Variants in SOD2 observed in about 807,000 individuals in gnomAD.
SOD2 encodes the protein superoxide dismutase 2.
A neutral mutation model predicts 27.0 loss-of-function variants in SOD2; 11 were observed. The ratio of observed to expected loss-of-function variants is 0.41; its 90% CI spans 0.26 to 0.67. The LOEUF is 0.67. Among genes scored for constraint, SOD2 ranks in the 30% least tolerant of loss-of-function variants. The pLI, the probability that SOD2 is intolerant of heterozygous loss-of-function variation, is 0.34. For synonymous variants in SOD2, 105 were observed against 103.0 expected, an observed-to-expected ratio of 1.02 and a Z score of -0.12; for missense variants, 250 against 274.5, an observed-to-expected ratio of 0.91 and a Z score of 0.63.
Position 159,681,357 on chromosome 6 carries a change from G to A in SOD2, c.*1136C>T, listed in dbSNP as rs1309650445. 1 of 152,162 alleles carries A rather than the reference G, an allele frequency of 6.6e-6. No individual in the cohort carries two copies. Among genetic ancestry groups the A allele is most frequent in the East Asian group, 1.9e-4 (1 of 5,186 alleles). 9.4% of individuals were successfully genotyped at this position (152,162 alleles called of 1,614,324 possible). ...AGAGACATCCTTAACACGTGCCCCT[G>A]AGCTACTTTTCAGAAACCCAGACCC... is the stretch of plus-strand genomic sequence containing the variant. On this transcript the variant is annotated 3_prime_UTR_variant, in exon 5 of 5. Coordinates refer to ENST00000538183, the MANE Select transcript of SOD2 (RefSeq NM_000636.4).
At position 159,759,335 on chromosome 6, in the gene SOD2, A is replaced by G. The variant is rs1346686209; in HGVS notation, c.-336+1702T>C. Among the ~76,000 whole-genome samples the G allele has an allele frequency of 1.6e-4, 24 of 147,270 alleles. No homozygotes were observed. In the East Asian group the frequency reaches 5.2e-3, roughly 32 times the overall value. ...CGGCCTCCCAAAGTGCTGGGATTAC[A>G]GGCATGAGCCACCGCGGCCGGCCAA... On this transcript the variant is annotated intron_variant, in intron 1 of 7. Coordinates refer to the SOD2 transcript ENST00000546087.
chr6:159,743,678 T>G lies in SOD2; in HGVS notation c.-116+1452A>C, dbSNP rs1431082165. 3.1e-6 allele frequency: 5 copies of G among 1,598,020 alleles called. No homozygotes were observed. In the African/African-American group the frequency reaches 4.0e-5, roughly 13 times the overall value. On this transcript the variant is annotated intron_variant, in intron 1 of 3. Coordinates refer to the SOD2 transcript ENST00000537657. ...TTGAATCATCAGCTAATGATGTAAC[T>G]GGCCTAAGAGAGTCTGAAGAAAAAC...
rs1303650148 is a variant in SOD2 at position 159,672,318 on chromosome 6, A to T, written c.*10175T>A. On this transcript the variant is annotated 3_prime_UTR_variant, in exon 5 of 5. Coordinates refer to ENST00000538183, the MANE Select transcript of SOD2 (RefSeq NM_000636.4). Reference sequence around the variant, plus strand: ...GATTCACCAAAGTTGAAATGAAGGAAAAAATGTTAAGGGCAGCCAGAGAGA... The same window carrying T: ...GATTCACCAAAGTTGAAATGAAGGATAAAATGTTAAGGGCAGCCAGAGAGA... The T allele has an allele frequency of 3.3e-5, 5 of 152,198 alleles. No individual in the cohort carries two copies. Among genetic ancestry groups the T allele is most frequent in the Admixed American group, 3.3e-4 (5 of 15,280 alleles). 9.4% of individuals were successfully genotyped at this position (152,198 alleles called of 1,614,324 possible). A position where few individuals can be genotyped will look rare whatever the true frequency, so the allele number is the denominator to read the frequency against.
At chr6:159,761,236 T>C (rs1325734141) in exon 1 of SOD2, 1 of 200,388 alleles carries the variant, frequency 5.0e-6, no homozygotes, top group Non-Finnish European at 1.1e-5. Context: ...GCTGTAACGG[T>C]GGCCCCTCAT....
chr6:159,744,976 T>C (rs1779487973), intron 1 of SOD2, among the ~76,000 whole-genome samples: 1 of 152,226 alleles, frequency 6.6e-6, no homozygotes, highest in Non-Finnish European at 1.5e-5. Flanking sequence ...CCATCGCACC[T>C]GGCCCATTAT....
rs1027795115 is a variant in SOD2 at position 159,675,128 on chromosome 6, C to T, written c.*7365G>A. The T allele has an allele frequency of 6.6e-6, 1 of 152,176 alleles. No homozygotes were observed. The highest frequency in any genetic ancestry group is 2.4e-5 in the African/African-American group (1 of 41,444). The allele number at this position is 152,176 out of a possible 1,614,324, so 9.4% of individuals were successfully genotyped here. A position where few individuals can be genotyped will look rare whatever the true frequency, so the allele number is the denominator to read the frequency against. On this transcript the variant is annotated 3_prime_UTR_variant, in exon 5 of 5. Coordinates refer to ENST00000538183, the MANE Select transcript of SOD2 (RefSeq NM_000636.4). Reference sequence around the variant, plus strand: ...CAAACAAATGGAAGAACATTCCATGCTCATGGATAGGAAGAATCAATATCG... The same window carrying T: ...CAAACAAATGGAAGAACATTCCATGTTCATGGATAGGAAGAATCAATATCG...
At position 159,681,637 on chromosome 6, in the gene SOD2, A is replaced by T. The variant is rs1327497292; in HGVS notation, c.*856T>A. ...ACCTTTCAGGCCAAACCAATATATA[A>T]GCTTCATGTAGTGATTTACAATTTT... On this transcript the variant is annotated 3_prime_UTR_variant, in exon 5 of 5. Transcript: ENST00000538183. 6.6e-6 allele frequency: 1 copy of T among 152,132 alleles called. No homozygotes were observed. Among genetic ancestry groups the T allele is most frequent in the Non-Finnish European group, 1.5e-5 (1 of 68,046 alleles). 9.4% of individuals were successfully genotyped at this position (152,132 alleles called of 1,614,324 possible).
intron 1 of SOD2, among the ~76,000 whole-genome samples, chr6:159,708,044 A>G (rs1369658247): frequency 1.3e-5 from 2 of 152,238 alleles, no homozygotes; most frequent in Non-Finnish European, 2.9e-5. Flanking sequence ...CAGATGCAGA[A>G]AAGGCCTTGG....
At chr6:159,755,326 C>CT (rs1460760701) in intron 1 of SOD2, 1 of 1,614,236 alleles carries the variant, frequency 6.2e-7, no homozygotes, top group Non-Finnish European at 8.5e-7. Context: ...CCGAAGATGA[C>CT]TTTCCTTCTT....
At chr6:159,749,417 A>C (rs531832621), upstream of SOD2, 1,124 of 972,604 alleles carry the variant, frequency 1.2e-3, 10 homozygotes, top group African/African-American at 0.019. Context: ...ATGTGCCTTG[A>C]AATAGTTGGT....
At chr6:159,736,016 A>G (rs1778890599) in intron 1 of SOD2, among the ~76,000 whole-genome samples, 1 of 152,198 alleles carries the variant, frequency 6.6e-6, no homozygotes, top group African/African-American at 2.4e-5. Context: ...ACTACCCAAT[A>G]ACTCTAATGA....
chr6:159,727,459 AGCGGAGCCGTGCGGCGGG>A, upstream of SOD2: 1 of 956,176 alleles, frequency 1.0e-6, no homozygotes, highest in African/African-American at 2.3e-5. Flanking sequence ...GGCAGGGCGG[AGCGGAGCCGTGCGGCGGG>A]GCGGGGCCGG....
intron 1 of SOD2, among the ~76,000 whole-genome samples, chr6:159,737,468 G>A (rs2114902704): frequency 6.6e-6 from 1 of 152,112 alleles, no homozygotes; most frequent in Non-Finnish European, 1.5e-5. Context: ...TCTTGTAAGG[G>A]AATACTAATA....
chr6:159,755,760 CTTTTCTTTTTTTTTTTTTTT>C, intron 1 of SOD2: 1 of 281,890 alleles, frequency 3.5e-6, no homozygotes, highest in Non-Finnish European at 4.7e-6. Flanking sequence ...TTTTTTTTTT[CTTTTCTTTTTTTTTTTTTTT>C]TTTTTTTTTT....
chr6:159,756,832 G>C (rs139781257), intron 1 of SOD2, among the ~76,000 whole-genome samples: 44 of 152,212 alleles, frequency 2.9e-4, no homozygotes, highest in African/African-American at 9.9e-4. Flanking sequence ...TCAAACTCCT[G>C]GCCCCAAGGG....
chr6:159,693,495 C>G (rs1014148509), upstream of SOD2, among the ~76,000 whole-genome samples: 1 of 152,094 alleles, frequency 6.6e-6, no homozygotes, highest in South Asian at 2.1e-4. Flanking sequence ...GCCTGTCTGC[C>G]GTACTTGAGT....
At chr6:159,760,147 TA>T (rs1780093144) in intron 1 of SOD2, 2 of 152,218 alleles carry the variant, frequency 1.3e-5, no homozygotes. Flanking sequence ...AAGTGATGTT[TA>T]GGGGGAGTTT....
intron 1 of SOD2, chr6:159,755,713 G>A (rs751211863): frequency 9.9e-7 from 1 of 1,014,226 alleles, no homozygotes; most frequent in Non-Finnish European, 1.2e-6. Context: ...TTTTGTGGGT[G>A]TACGTTTTGG....
chr6:159,730,135 A>C (rs1177427280), upstream of SOD2, among the ~76,000 whole-genome samples: 2 of 152,176 alleles, frequency 1.3e-5, no homozygotes, highest in African/African-American at 2.4e-5. Context: ...CCCCCAATTT[A>C]TTAATTAATA....
Sources: allele counts gnomAD v4.1 joint callset (sites outside exome capture counted in the v4.1 genomes callset), GRCh38; gene constraint gnomAD v4.1.1; transcripts MANE v1.5; gene names NCBI Gene and HGNC (gene_info 2026-07-23, HGNC 2026-07-21).